Variants in ATP6V1A observed in about 807,000 individuals in gnomAD.
ATP6V1A encodes V-type proton ATPase catalytic subunit A.
In ATP6V1A, 18 loss-of-function variants were observed where a neutral mutation model predicts 70.1. The observed-to-expected ratio is 0.26, with a 90% confidence interval of 0.18 to 0.38. ATP6V1A has a LOEUF of 0.38. ATP6V1A is among the 10% of genes least tolerant of loss of function. The pLI, the probability that ATP6V1A is intolerant of heterozygous loss-of-function variation, is 1.00. For missense variants in ATP6V1A, 424 were observed against 772.4 expected (o/e 0.55, Z 5.35); for synonymous variants, 232 against 253.8 (o/e 0.91, Z 0.82).
At chr3:113,809,264 A>AT in intron 14 of ATP6V1A, 71 bp from the exon 15 acceptor site, 1 of 1,421,824 alleles carries the variant, frequency 7.0e-7, no homozygotes, top group East Asian at 2.4e-5. Context: ...CCAAAAAAAA[A>AT]AAAGTAACTT....
intron 8 of ATP6V1A, among the ~76,000 whole-genome samples, chr3:113,792,063 T>C (rs572586844): frequency 9.5e-4 from 144 of 152,296 alleles, no homozygotes; most frequent in African/African-American, 3.4e-3. Context: ...ATGACTAAAT[T>C]TGTATTTCTG....
chr3:113,774,692 A>T (rs751395709), intron 1 of ATP6V1A, among the ~76,000 whole-genome samples: 3 of 152,100 alleles, frequency 2.0e-5, no homozygotes, highest in Non-Finnish European at 4.4e-5. Flanking sequence ...CACACACTGT[A>T]GTCCCAGCTA....
rs1709015930 is a variant in ATP6V1A at position 113,784,452 on chromosome 3, A to G, written c.426+14A>G. ...AAAAACCTACGGGTATGTCTGTGTA[A>G]CCAAGAATTTCTGAAGTTATTGAAA... On this transcript the variant is annotated intron_variant, in intron 4 of 14. Coordinates refer to ENST00000273398, the MANE Select transcript of ATP6V1A (RefSeq NM_001690.4). 6.3e-7 allele frequency: 1 copy of G among 1,580,674 alleles called. No individual in the cohort carries two copies. The highest frequency in any genetic ancestry group is 8.7e-7 in the Non-Finnish European group (1 of 1,152,568).
chr3:113,756,857 A>T (rs77265745), intron 1 of ATP6V1A, among the ~76,000 whole-genome samples: 1 of 152,334 alleles, frequency 6.6e-6, no homozygotes, highest in South Asian at 2.1e-4. Flanking sequence ...TTGAACATTA[A>T]GAGTGTGGTA....
intron 1 of ATP6V1A, among the ~76,000 whole-genome samples, chr3:113,774,188 G>T (rs750249591): frequency 1.1e-4 from 17 of 152,144 alleles, no homozygotes; most frequent in Non-Finnish European, 1.6e-4. Flanking sequence ...TTCTTGGTAT[G>T]CTCTTGTATA....
At chr3:113,790,662 G>A (rs1481898579) in intron 8 of ATP6V1A, among the ~76,000 whole-genome samples, 1 of 152,086 alleles carries the variant, frequency 6.6e-6, no homozygotes, top group Non-Finnish European at 1.5e-5. Flanking sequence ...ATTAGCTGTA[G>A]ACCTACATTA....
intron 1 of ATP6V1A, among the ~76,000 whole-genome samples, chr3:113,773,756 A>T (rs573231509): frequency 6.6e-6 from 1 of 152,118 alleles, no homozygotes; most frequent in Non-Finnish European, 1.5e-5. Flanking sequence ...TCATCCCTCC[A>T]AGTCTCAGCT....
chr3:113,761,265 G>A (rs1295566793), intron 1 of ATP6V1A, among the ~76,000 whole-genome samples: 3 of 151,880 alleles, frequency 2.0e-5, no homozygotes, highest in East Asian at 3.9e-4. Context: ...AAGTGTAATA[G>A]CATTTTTAGT....
intron 1 of ATP6V1A, among the ~76,000 whole-genome samples, chr3:113,755,064 T>C (rs1708631692): frequency 2.0e-5 from 3 of 152,160 alleles, no homozygotes; most frequent in Admixed American, 2.0e-4. Flanking sequence ...TTACAAGAGT[T>C]GGGATATATG....
At chr3:113,752,369 A>G (rs2108005604) in intron 1 of ATP6V1A, among the ~76,000 whole-genome samples, 1 of 152,024 alleles carries the variant, frequency 6.6e-6, no homozygotes, top group South Asian at 2.1e-4. Flanking sequence ...AATAGTATAT[A>G]CATATGGAAA....
chr3:113,794,104 A>G (rs1392938179), intron 8 of ATP6V1A, among the ~76,000 whole-genome samples: 2 of 152,214 alleles, frequency 1.3e-5, no homozygotes, highest in African/African-American at 2.4e-5. Flanking sequence ...TCGTTTCTGT[A>G]TATTAGCTGC....
At chr3:113,800,382 A>T (rs1463417435) in intron 12 of ATP6V1A, among the ~76,000 whole-genome samples, 1 of 152,204 alleles carries the variant, frequency 6.6e-6, no homozygotes, top group African/African-American at 2.4e-5. Flanking sequence ...GGGAATACAA[A>T]ACCATAATAA....
intron 12 of ATP6V1A, among the ~76,000 whole-genome samples, chr3:113,800,746 CAAAAA>C (rs200289083): frequency 6.6e-6 from 1 of 151,256 alleles, no homozygotes; most frequent in Admixed American, 6.6e-5. Context: ...AGCCTTAAAA[CAAAAA>C]AAAGAGTTTT....
chr3:113,775,949 G>A (rs187299912), intron 1 of ATP6V1A, among the ~76,000 whole-genome samples: 11 of 152,072 alleles, frequency 7.2e-5, no homozygotes, highest in East Asian at 1.9e-4. Context: ...GTTTTCCCCC[G>A]TATTATCTCA....
chr3:113,804,323 C>G, intron 13 of ATP6V1A, among the ~76,000 whole-genome samples: 1 of 152,054 alleles, frequency 6.6e-6, no homozygotes, highest in Non-Finnish European at 1.5e-5. Context: ...AATTATTACT[C>G]TTTTCCTAAA....
intron 11 of ATP6V1A, 24 bp downstream of exon 11, chr3:113,795,963 A>C (rs981880118): frequency 6.3e-7 from 1 of 1,580,214 alleles, no homozygotes; most frequent in South Asian, 1.2e-5. Context: ...TAGTATAGTC[A>C]ACTTCTGAGC....
rs760081358 is a variant in ATP6V1A, at chr3:113,795,215, A to G, written c.1226+11A>G. The stretch of plus-strand genomic sequence containing the variant: ...CAGCATTGTAGGAGCGTAAGCACCC[A>G]CACTATTTACTTTGCAAAAGGAAAA... On this transcript the variant is annotated intron_variant, in intron 10 of 14. Coordinates refer to ENST00000273398, the MANE Select transcript of ATP6V1A (RefSeq NM_001690.4). The G allele has an allele frequency of 1.9e-6, 3 of 1,608,504 alleles. No homozygotes were observed. In the South Asian group the frequency reaches 3.3e-5, roughly 18 times the overall value.
intron 12 of ATP6V1A, among the ~76,000 whole-genome samples, chr3:113,800,366 A>G (rs1709198167): frequency 6.6e-6 from 1 of 152,194 alleles, no homozygotes. Context: ...CCCCTATTGG[A>G]TAAGGGGGAA....
In ATP6V1A at chr3:113,811,439, G is replaced by T. The variant is rs964237598; in HGVS notation, c.*2012G>T. On this transcript the variant is annotated 3_prime_UTR_variant, in exon 15 of 15. Coordinates refer to ENST00000273398, the MANE Select transcript of ATP6V1A (RefSeq NM_001690.4). ...TTTGTTGAGATACGGACTTGATGGT[G>T]CTGTTTAATCAGTTTGCTTCCAAAG... The T allele has an allele frequency of 6.6e-6, 1 of 152,604 alleles. No individual in the cohort carries two copies. Among genetic ancestry groups the T allele is most frequent in the African/African-American group, 2.4e-5 (1 of 41,426 alleles). The allele number at this position is 152,604 out of a possible 1,614,324, so 9.5% of individuals were successfully genotyped here.
Sources: gnomAD v4.1 joint callset for allele counts (sites outside exome capture counted in the v4.1 genomes callset) on GRCh38, gnomAD v4.1.1 for gene constraint, MANE v1.5 for transcripts, NCBI Gene and HGNC (gene_info 2026-07-23, HGNC 2026-07-21) for gene names.